NPY1R: variants seen among roughly 807,000 people sequenced by gnomAD.
NPY1R encodes neuropeptide Y receptor type 1.
A neutral mutation model predicts 24.1 loss-of-function variants in NPY1R; 10 were observed. That is an observed-to-expected ratio of 0.42 (90% CI 0.26 to 0.71). The LOEUF (loss-of-function observed/expected upper bound fraction) is 0.71, where lower values mean the gene tolerates loss of function less well. Among genes scored for constraint, NPY1R ranks in the 30% least tolerant of loss-of-function variants. The probability of loss-of-function intolerance (pLI) is 0.28; values close to 1 mark genes in which losing one functional copy is unlikely to be tolerated. For synonymous variants in NPY1R, 168 were observed against 165.9 expected (o/e 1.01, Z -0.10); for missense variants, 350 against 458.0 (o/e 0.76, Z 2.15).
At chr4:163,342,179 T>C (rs906085201) in intron 1 of NPY1R, among the ~76,000 whole-genome samples, 4 of 152,192 alleles carry the variant, frequency 2.6e-5, no homozygotes, top group Non-Finnish European at 4.4e-5. Flanking sequence ...AACCTAAAGG[T>C]TCATATCATC....
intron 1 of NPY1R, among the ~76,000 whole-genome samples, chr4:163,342,481 C>T (rs796705250): frequency 2.7e-4 from 41 of 152,290 alleles, no homozygotes; most frequent in African/African-American, 8.7e-4. Context: ...ACTTTCATCC[C>T]CTACTCCTTA....
chr4:163,338,150 T>C (rs958909326), intron 1 of NPY1R, among the ~76,000 whole-genome samples: 3 of 111,060 alleles, frequency 2.7e-5, no homozygotes, highest in South Asian at 7.5e-4. Context: ...CCCCCTAGGA[T>C]CCTGTTATGT....
Position 163,324,742 on chromosome 4 carries a change from A to C in NPY1R, c.*561T>G, listed in dbSNP as rs1415106829. 1 of 2,486 alleles carries C rather than the reference A, an allele frequency of 4.0e-4. No individual in the cohort carries two copies. Among genetic ancestry groups the C allele is most frequent in the Non-Finnish European group, 1.4e-3 (1 of 696 alleles). The allele number at this position is 2,486 out of a possible 1,614,324, so 0.2% of individuals were successfully genotyped here. ...CAAATTAAATCCTCCCTTAAGGTGA[A>C]AAAAAAAAAAAACAAACAAAAACCA... On this transcript the variant is annotated 3_prime_UTR_variant, in exon 3 of 3. Coordinates refer to ENST00000296533, the MANE Select transcript of NPY1R (RefSeq NM_000909.6).
intron 1 of NPY1R, among the ~76,000 whole-genome samples, chr4:163,343,116 T>C (rs558213635): frequency 3.4e-4 from 51 of 151,876 alleles, no homozygotes; most frequent in African/African-American, 1.2e-3. Flanking sequence ...GGAAATCATG[T>C]TGGGAAGGAA....
chr4:163,326,366 T>G lies in NPY1R; in HGVS notation c.189A>C (p.Ile63=). The G allele has an allele frequency of 6.2e-7, 1 of 1,614,108 alleles. No individual in the cohort carries two copies. Among genetic ancestry groups the G allele is most frequent in the South Asian group, 1.1e-5 (1 of 91,076 alleles). The change falls in exon 2 of 3, where the codon ATA becomes ATC. Residue 63 remains isoleucine, a synonymous_variant. Coordinates refer to ENST00000296533, the MANE Select transcript of NPY1R (RefSeq NM_000909.6). ...LGVSGNLALI[I]IILKQKEMRN... is the part of the protein sequence containing the mutation. ...TCATCTCCTTTTGTTTCAAGATGAT[T>G]ATGATCAAGGCCAGGTTTCCAGAGA...
chr4:163,340,358 TAAAG>T (rs1734950487), intron 1 of NPY1R, among the ~76,000 whole-genome samples: 1 of 151,760 alleles, frequency 6.6e-6, no homozygotes. Flanking sequence ...ACAATGTAAT[TAAAG>T]AATGAAGTAC....
intron 1 of NPY1R, among the ~76,000 whole-genome samples, chr4:163,327,973 AG>A (rs1402176074): frequency 6.6e-6 from 1 of 152,164 alleles, no homozygotes; most frequent in Non-Finnish European, 1.5e-5. Context: ...AATCATGCAG[AG>A]TTACTTCCAT....
chr4:163,339,507 TC>T (rs1734925901), intron 1 of NPY1R, among the ~76,000 whole-genome samples: 1 of 152,078 alleles, frequency 6.6e-6, no homozygotes, highest in Non-Finnish European at 1.5e-5. Context: ...TGTTTTTTTT[TC>T]ATCTCTTAAA....
At chr4:163,331,031 A>T (rs1043046157) in intron 1 of NPY1R, 4 of 152,224 alleles carry the variant, frequency 2.6e-5, no homozygotes, top group Non-Finnish European at 4.4e-5. Flanking sequence ...GACAATAAAG[A>T]CTAATAAAGT....
intron 1 of NPY1R, among the ~76,000 whole-genome samples, chr4:163,327,201 T>G (rs556394026): frequency 6.6e-6 from 1 of 152,228 alleles, no homozygotes; most frequent in South Asian, 2.1e-4. Context: ...AGGGCAGATG[T>G]TATTCAGCAC....
intron 1 of NPY1R, among the ~76,000 whole-genome samples, chr4:163,341,856 A>T (rs1435384467): frequency 6.6e-6 from 1 of 152,158 alleles, no homozygotes; most frequent in Admixed American, 6.5e-5. Flanking sequence ...AGTAATGATG[A>T]TCAGTCTCAA....
chr4:163,335,723 T>C (rs142868567), upstream of NPY1R, among the ~76,000 whole-genome samples: 31 of 152,206 alleles, frequency 2.0e-4, no homozygotes, highest in Middle Eastern at 3.4e-3. Context: ...TGTCAGGATT[T>C]TCCTTCTTTC....
intron 1 of NPY1R, among the ~76,000 whole-genome samples, chr4:163,330,306 G>T (rs933369111): frequency 6.6e-6 from 1 of 152,178 alleles, no homozygotes; most frequent in African/African-American, 2.4e-5. Context: ...TATTTAATAG[G>T]CATGCCCAAT....
chr4:163,341,869 C>T (rs998671439), intron 1 of NPY1R, among the ~76,000 whole-genome samples: 4 of 151,890 alleles, frequency 2.6e-5, no homozygotes, highest in Admixed American at 2.0e-4. Context: ...AGTCTCAAAT[C>T]CCCCCTGGGA....
At chr4:163,333,288 G>C (rs2110805573), upstream of NPY1R, among the ~76,000 whole-genome samples, 1 of 151,828 alleles carries the variant, frequency 6.6e-6, no homozygotes, top group East Asian at 1.9e-4. Flanking sequence ...CAATTTTCTC[G>C]GTGATTAGTA....
At position 163,324,932 on chromosome 4, in the gene NPY1R, C is replaced by T. The variant is rs1271206457; in HGVS notation, c.*371G>A. ...ACAATCTAATCTAATCTAATCTAATCAAGATGACCCAATCTAATGACCGTA... is the reference window on the plus strand; with the variant it reads ...ACAATCTAATCTAATCTAATCTAATTAAGATGACCCAATCTAATGACCGTA... On this transcript the variant is annotated 3_prime_UTR_variant, in exon 3 of 3. Coordinates refer to ENST00000296533, the MANE Select transcript of NPY1R (RefSeq NM_000909.6). 1.1e-5 allele frequency: 2 copies of T among 188,180 alleles called. No homozygotes were observed. Among genetic ancestry groups the T allele is most frequent in the African/African-American group, 4.8e-5 (2 of 41,962 alleles). 11.7% of individuals were successfully genotyped at this position (188,180 alleles called of 1,614,324 possible).
At chr4:163,328,589 A>T (rs535764697) in intron 1 of NPY1R, among the ~76,000 whole-genome samples, 2 of 152,332 alleles carry the variant, frequency 1.3e-5, no homozygotes, top group Admixed American at 6.5e-5. Flanking sequence ...TTTGAGACAC[A>T]TGAGAGACAG....
At chr4:163,331,438 T>C (rs1734725028) in intron 1 of NPY1R, among the ~76,000 whole-genome samples, 1 of 152,110 alleles carries the variant, frequency 6.6e-6, no homozygotes, top group Admixed American at 6.5e-5. Context: ...CTTTTTCATA[T>C]TGCGTAACTA....
rs770016976 is a variant in NPY1R at position 163,325,520 on chromosome 4, G to A, written c.938C>T (p.Thr313Ile). The change falls in exon 3 of 3, where the codon ACT (threonine) becomes ATT (isoleucine). Residue 313 changes from threonine (T) to isoleucine (I), a missense_variant. Physicochemically the swap from Thr to Ile is moderately conservative, Grantham distance 89. Coordinates refer to ENST00000296533, the MANE Select transcript of NPY1R (RefSeq NM_000909.6). ...LLCHLTAMISTCVNPIFYGFL... is the reference protein window; with the variant it reads ...LLCHLTAMISICVNPIFYGFL... ...CCCATAAAATATGGGGTTGACACAA[G>A]TGGATATCATTGCTGTGAGGTGGCA... 3.8e-5 allele frequency: 61 copies of A among 1,614,000 alleles called. No homozygotes were observed. Among genetic ancestry groups the A allele is most frequent in the East Asian group, 8.9e-5 (4 of 44,890 alleles).
Sources: allele counts gnomAD v4.1 joint callset (sites outside exome capture counted in the v4.1 genomes callset), GRCh38; gene constraint gnomAD v4.1.1; transcripts MANE v1.5; gene names NCBI Gene and HGNC (gene_info 2026-07-23, HGNC 2026-07-21).